Variants in AKAP13 observed in about 807,000 individuals in gnomAD.
AKAP13 encodes A-kinase anchor protein 13.
AKAP13 carries 80 observed loss-of-function variants against 264.5 expected under a neutral mutation model. The observed-to-expected ratio is 0.30, with a 90% CI of 0.25 to 0.36. AKAP13 has a LOEUF of 0.36. Ranked by LOEUF, AKAP13 falls within the 10% of genes least tolerant of loss-of-function variation. The pLI, the probability that AKAP13 is intolerant of heterozygous loss-of-function variation, is 1.00. For synonymous variants in AKAP13, 1,380 were observed against 1,250.2 expected, an observed-to-expected ratio of 1.10 and a Z score of -2.19; for missense variants, 3,712 against 3,435.2, an observed-to-expected ratio of 1.08 and a Z score of -2.01.
Position 85,730,730 on chromosome 15 carries a change from C to A in AKAP13, c.7282+23C>A, listed in dbSNP as rs374855494. ...AGGGTAATTAACATTCAGCATTGCC[C>A]CCTCTTCATCTACTCCCAGAGTGGT... is the stretch of plus-strand genomic sequence containing the variant. On this transcript the variant is annotated intron_variant, in intron 30 of 36. Transcript: ENST00000394518. 3 of 1,590,494 alleles carry A rather than the reference C, an allele frequency of 1.9e-6. No individual in the cohort carries two copies. In the African/African-American group the frequency reaches 4.0e-5, roughly 21 times the overall value.
intron 2 of AKAP13, among the ~76,000 whole-genome samples, chr15:85,502,640 G>GA (rs1450566169): frequency 6.6e-6 from 1 of 152,148 alleles, no homozygotes; most frequent in Non-Finnish European, 1.5e-5. Context: ...CACTAGATAA[G>GA]AAAAGTGATA....
At position 85,409,691 on chromosome 15, in the gene AKAP13, T is replaced by C. The variant is rs1180172952; in HGVS notation, c.-12+28893T>C. ...TGTCGCCCAGGCTGGAGTGCAGCGG[T>C]GCGATCTCGGCTCACTGCAAGCTCC... is the stretch of plus-strand genomic sequence containing the variant. On this transcript the variant is annotated intron_variant, in intron 1 of 36. Transcript: ENST00000394518. Among the ~76,000 whole-genome samples, 7 of 146,478 alleles carry C rather than the reference T, an allele frequency of 4.8e-5. No homozygotes were observed. In the Admixed American group the frequency reaches 4.8e-4, roughly 10 times the overall value.
intron 5 of AKAP13, among the ~76,000 whole-genome samples, chr15:85,553,241 C>G (rs1240509002): frequency 1.3e-5 from 2 of 152,066 alleles, no homozygotes; most frequent in South Asian, 2.1e-4. Context: ...CACTCGCCAC[C>G]ATGCCCAGCC....
At chr15:85,555,365 A>G in intron 5 of AKAP13, 1 of 1,187,632 alleles carries the variant, frequency 8.4e-7, no homozygotes, top group South Asian at 1.3e-5. Context: ...TCAGAAGTAA[A>G]CTTGGAGCGA....
chr15:85,594,304 A>T (rs2079711359), intron 8 of AKAP13, among the ~76,000 whole-genome samples: 1 of 152,202 alleles, frequency 6.6e-6, no homozygotes, highest in South Asian at 2.1e-4. Context: ...AAAGTAGATG[A>T]GTCTCTGCAT....
rs146531116 is a variant in AKAP13, at chr15:85,580,258, T to A, written c.2190T>A (p.Asp730Glu). Reference protein sequence around the residue: ...DPVRDTQERADFCPFKVVDNK... With the variant: ...DPVRDTQERAEFCPFKVVDNK... ...TAAGGGATACCCAGGAACGTGCGGA[T>A]TTTTGTCCTTTCAAAGTGGTGGATA... is the stretch of plus-strand genomic sequence containing the variant. Residue 730 changes from aspartate (D) to glutamate (E), a missense_variant, in exon 7 of 37, where the codon GAT becomes GAA. By Grantham distance (45) the Asp-to-Glu change is conservative. Transcript: ENST00000394518. The A allele has an allele frequency of 3.7e-5, 59 of 1,614,190 alleles. No individual in the cohort carries two copies. The African/African-American group carries it at 7.6e-4, about 21-fold the overall frequency.
At chr15:85,622,732 T>C (rs187654788) in intron 8 of AKAP13, among the ~76,000 whole-genome samples, 1 of 152,322 alleles carries the variant, frequency 6.6e-6, no homozygotes, top group East Asian at 1.9e-4. Flanking sequence ...TTAATAACTT[T>C]CCCAGTGTCT....
chr15:85,546,041 A>G (rs145837592), intron 5 of AKAP13, among the ~76,000 whole-genome samples: 26 of 152,232 alleles, frequency 1.7e-4, no homozygotes, highest in African/African-American at 6.0e-4. Flanking sequence ...GAATTTGCCC[A>G]TTCTAGGTAC....
chr15:85,484,003 C>T (rs35813075), intron 1 of AKAP13, among the ~76,000 whole-genome samples: 37,343 of 151,862 alleles, frequency 0.25, 6,044 homozygotes, highest in Middle Eastern at 0.41. Context: ...GTGTTAATTC[C>T]TGTATAAATT....
intron 17 of AKAP13, among the ~76,000 whole-genome samples, chr15:85,700,191 G>A (rs750296006): frequency 6.6e-6 from 1 of 152,144 alleles, no homozygotes; most frequent in Non-Finnish European, 1.5e-5. Flanking sequence ...CTATCACTCA[G>A]AATTAAACCT....
intron 8 of AKAP13, among the ~76,000 whole-genome samples, chr15:85,593,927 T>A (rs1327710938): frequency 6.6e-6 from 1 of 152,242 alleles, no homozygotes; most frequent in African/African-American, 2.4e-5. Context: ...GATTCATTTA[T>A]TTAGAGGCTG....
At chr15:85,491,094 G>A (rs1159757199) in intron 2 of AKAP13, among the ~76,000 whole-genome samples, 1 of 152,128 alleles carries the variant, frequency 6.6e-6, no homozygotes, top group Non-Finnish European at 1.5e-5. Flanking sequence ...GAGTGCAAGG[G>A]GAAGGGGTCC....
At chr15:85,520,578 G>A in intron 2 of AKAP13, 1 of 500,656 alleles carries the variant, frequency 2.0e-6, no homozygotes, top group Non-Finnish European at 4.0e-6. Context: ...CATAGACAAA[G>A]TTATTGGCTC....
chr15:85,623,537 A>G (rs1302533001), intron 8 of AKAP13, among the ~76,000 whole-genome samples: 1 of 152,182 alleles, frequency 6.6e-6, no homozygotes, highest in Admixed American at 6.5e-5. Flanking sequence ...TTAGTTCTGC[A>G]TAGTTTCACG....
intron 2 of AKAP13, among the ~76,000 whole-genome samples, chr15:85,489,089 C>T (rs1326108700): frequency 1.3e-5 from 2 of 152,204 alleles, no homozygotes; most frequent in Non-Finnish European, 2.9e-5. Context: ...TTCAACCTCT[C>T]CCTTTTAGAC....
At chr15:85,504,519 A>AAAAAAAG (rs2076139572) in intron 2 of AKAP13, among the ~76,000 whole-genome samples, 1 of 80,844 alleles carries the variant, frequency 1.2e-5, no homozygotes, top group African/African-American at 7.2e-5. Flanking sequence ...AAAAAAAAAA[A>AAAAAAAG]AAAAAAAAAA....
intron 1 of AKAP13, among the ~76,000 whole-genome samples, chr15:85,396,141 A>T (rs2071100984): frequency 1.3e-5 from 2 of 152,110 alleles, no homozygotes; most frequent in African/African-American, 2.4e-5. Flanking sequence ...CTTTTCTAGC[A>T]TCAGTTTTAG....
At chr15:85,401,489 A>G (rs913764369) in intron 1 of AKAP13, among the ~76,000 whole-genome samples, 1 of 152,212 alleles carries the variant, frequency 6.6e-6, no homozygotes, top group Non-Finnish European at 1.5e-5. Context: ...CTGTTACAAC[A>G]GCATTATTTG....
At chr15:85,546,862 GCCTC>G (rs1003760767) in intron 5 of AKAP13, among the ~76,000 whole-genome samples, 8 of 151,660 alleles carry the variant, frequency 5.3e-5, no homozygotes, top group Admixed American at 4.6e-4. Flanking sequence ...TTCTGCCTCA[GCCTC>G]CTGAGTAGCT....
Sources: allele counts gnomAD v4.1 joint callset (sites outside exome capture counted in the v4.1 genomes callset), GRCh38; gene constraint gnomAD v4.1.1; transcripts MANE v1.5; gene names NCBI Gene and HGNC (gene_info 2026-07-23, HGNC 2026-07-21).